The following SNTG1 variants were observed in gnomAD, a reference collection of about 807,000 sequenced individuals.
The protein encoded by SNTG1 is gamma-1-syntrophin.
SNTG1 carries 39 observed loss-of-function variants against 74.7 expected under a neutral mutation model. The ratio of observed to expected loss-of-function variants is 0.52; its 90% CI spans 0.40 to 0.68. SNTG1 has a LOEUF of 0.68. Among genes scored for constraint, SNTG1 ranks in the 30% least tolerant of loss-of-function variants. The probability of loss-of-function intolerance (pLI) is 0.00; values close to 1 mark genes in which losing one functional copy is unlikely to be tolerated. For synonymous variants in SNTG1, 254 were observed against 217.1 expected (o/e 1.17, Z -1.49); for missense variants, 685 against 609.5 (o/e 1.12, Z -1.30).
chr8:50,746,813 C>T (rs1471097864), intron 17 of SNTG1, among the ~76,000 whole-genome samples: 2 of 146,856 alleles, frequency 1.4e-5, no homozygotes, highest in African/African-American at 2.5e-5. Flanking sequence ...TATATATTTG[C>T]ATATACATAT....
chr8:50,621,420 T>C (rs1044799882), intron 13 of SNTG1, among the ~76,000 whole-genome samples: 2 of 152,314 alleles, frequency 1.3e-5, no homozygotes, highest in South Asian at 4.1e-4. Context: ...GGAAGAAAGT[T>C]CTTGTTATTT....
In SNTG1 at chr8:50,670,788, A is replaced by T. The variant is rs541969304; in HGVS notation, c.1038+12125A>T. 2.9e-3 allele frequency among the ~76,000 whole-genome samples: 431 copies of T among 150,190 alleles called. 7 individuals carry two copies. The highest frequency in any genetic ancestry group is 0.01 in the African/African-American group (412 of 40,484). ...GGAGGCATCACGCTACCTGACTTCA[A>T]ACTATACTACAAGGCTACAGTAACC... On this transcript the variant is annotated intron_variant, in intron 15 of 18. Transcript: ENST00000642720.
At chr8:50,093,025 T>C (rs903301933) in intron 1 of SNTG1, among the ~76,000 whole-genome samples, 2 of 152,044 alleles carry the variant, frequency 1.3e-5, no homozygotes, top group Non-Finnish European at 2.9e-5. Context: ...GAGCAAATAA[T>C]ATTAACACCC....
At chr8:50,152,264 A>C (rs936588209) in intron 1 of SNTG1, among the ~76,000 whole-genome samples, 1 of 152,026 alleles carries the variant, frequency 6.6e-6, no homozygotes, top group Non-Finnish European at 1.5e-5. Context: ...TGCTTGGTAG[A>C]TCTTCCTCCA....
chr8:50,071,127 G>A (rs1821324969), intron 1 of SNTG1, among the ~76,000 whole-genome samples: 1 of 152,138 alleles, frequency 6.6e-6, no homozygotes, highest in Non-Finnish European at 1.5e-5. Context: ...AGATTCAAGT[G>A]GAGATCCCAA....
intron 1 of SNTG1, among the ~76,000 whole-genome samples, chr8:50,013,769 T>C (rs1421245774): frequency 6.6e-6 from 1 of 152,104 alleles, no homozygotes; most frequent in Non-Finnish European, 1.5e-5. Context: ...ATATTTAACA[T>C]TTTTCCTGGG....
chr8:50,678,650 A>G (rs563633974), intron 15 of SNTG1, among the ~76,000 whole-genome samples: 6 of 152,248 alleles, frequency 3.9e-5, no homozygotes, highest in South Asian at 4.1e-4. Context: ...TACATGATTG[A>G]AGGAATGTTC....
chr8:50,670,109 G>T (rs2095272485), intron 15 of SNTG1, among the ~76,000 whole-genome samples: 1 of 152,150 alleles, frequency 6.6e-6, no homozygotes, highest in Non-Finnish European at 1.5e-5. Context: ...AAAACTGGAA[G>T]CATTCCCTTT....
chr8:50,043,193 T>G (rs1818789264), intron 1 of SNTG1, among the ~76,000 whole-genome samples: 1 of 152,182 alleles, frequency 6.6e-6, no homozygotes, highest in Non-Finnish European at 1.5e-5. Flanking sequence ...ATTTTCTTTA[T>G]CAGTAGAGAA....
At chr8:49,949,156 A>G (rs1489586613) in intron 1 of SNTG1, among the ~76,000 whole-genome samples, 1 of 152,204 alleles carries the variant, frequency 6.6e-6, no homozygotes, top group Non-Finnish European at 1.5e-5. Context: ...CTTCTTAGGA[A>G]AGGCACTGGT....
intron 17 of SNTG1, among the ~76,000 whole-genome samples, chr8:50,746,576 C>A (rs187186988): frequency 4.5e-4 from 69 of 151,834 alleles, no homozygotes; most frequent in Non-Finnish European, 2.5e-4. Flanking sequence ...TAAGAAGTCA[C>A]AATGAATAAA....
At chr8:50,163,327 C>T (rs1370192100) in intron 1 of SNTG1, among the ~76,000 whole-genome samples, 2 of 151,936 alleles carry the variant, frequency 1.3e-5, no homozygotes, top group East Asian at 1.9e-4. Context: ...GATTAGAAGA[C>T]GACTTTTCTG....
At chr8:50,562,533 A>T (rs2094494464) in intron 12 of SNTG1, among the ~76,000 whole-genome samples, 1 of 152,190 alleles carries the variant, frequency 6.6e-6, no homozygotes, top group South Asian at 2.1e-4. Context: ...AGCCCTGCCA[A>T]CACCTCAATT....
chr8:50,163,211 G>C (rs1329827763), intron 1 of SNTG1, among the ~76,000 whole-genome samples: 1 of 152,062 alleles, frequency 6.6e-6, no homozygotes, highest in Non-Finnish European at 1.5e-5. Context: ...TTATTCCACC[G>C]CCCTTTAGTG....
At chr8:50,552,898 C>A in intron 11 of SNTG1, 152 bp from the exon 12 acceptor site, 1 of 842,730 alleles carries the variant, frequency 1.2e-6, no homozygotes, top group Non-Finnish European at 1.8e-6. Flanking sequence ...TCATTTAAAA[C>A]AGAGATGCTT....
chr8:50,546,850 C>T (rs2094391855), intron 11 of SNTG1, among the ~76,000 whole-genome samples: 1 of 152,074 alleles, frequency 6.6e-6, no homozygotes, highest in Non-Finnish European at 1.5e-5. Context: ...GGTGCAATCT[C>T]GGCTCACTGC....
intron 8 of SNTG1, among the ~76,000 whole-genome samples, chr8:50,454,673 C>G (rs546861396): frequency 1.6e-4 from 24 of 151,650 alleles, no homozygotes; most frequent in Admixed American, 1.1e-3. Context: ...GAAACCCTAT[C>G]TCTACTAAAA....
chr8:50,175,434 G>C (rs2082961526), intron 2 of SNTG1, among the ~76,000 whole-genome samples: 1 of 152,064 alleles, frequency 6.6e-6, no homozygotes, highest in African/African-American at 2.4e-5. Flanking sequence ...CCTTAATTTG[G>C]AAGCACTTGT....
intron 1 of SNTG1, among the ~76,000 whole-genome samples, chr8:50,165,031 G>A (rs1202103954): frequency 6.6e-6 from 1 of 152,070 alleles, no homozygotes; most frequent in Non-Finnish European, 1.5e-5. Context: ...TCCCCAGCAG[G>A]AAAAATAATC....
Sources: gnomAD v4.1 joint callset for allele counts (sites outside exome capture counted in the v4.1 genomes callset) on GRCh38, gnomAD v4.1.1 for gene constraint, MANE v1.5 for transcripts, NCBI Gene and HGNC (gene_info 2026-07-23, HGNC 2026-07-21) for gene names.